The following SYT12 variants were observed in gnomAD, a reference collection of about 807,000 sequenced individuals.
The protein encoded by SYT12 is synaptotagmin 12.
A neutral mutation model predicts 39.5 loss-of-function variants in SYT12; 27 were observed. The observed-to-expected ratio is 0.68, with a 90% CI of 0.50 to 0.94. The LOEUF is 0.94. Among genes scored for constraint, SYT12 ranks in the 40% least tolerant of loss-of-function variants. SYT12 has a pLI of 0.00. For missense variants in SYT12, 536 were observed against 572.6 expected (o/e 0.94, Z 0.65); for synonymous variants, 233 against 239.7 (o/e 0.97, Z 0.26).
In SYT12 at chr11:67,039,995, A is replaced by C. The variant is rs374919893; in HGVS notation, c.413A>C (p.Asn138Thr). 6.2e-7 allele frequency: 1 copy of C among 1,613,544 alleles called. No individual in the cohort carries two copies. The highest frequency in any genetic ancestry group is 8.5e-7 in the Non-Finnish European group (1 of 1,179,994). Residue 138 changes from asparagine to threonine, a missense_variant, in exon 4 of 8, where the codon AAC becomes ACC. By Grantham distance (65) the Asn-to-Thr change is moderately conservative. Transcript: ENST00000527043. Reference protein sequence around the residue: ...LRKSQSADSLNSISSVSNTFG... With the variant: ...LRKSQSADSLTSISSVSNTFG... ...AAGTCCCAGTCGGCCGACTCCCTGA[A>C]CTCCATCTCCTCCGTGAGCAACACC...
chr11:67,044,250 C>G (rs1465608613), intron 5 of SYT12, among the ~76,000 whole-genome samples: 1 of 152,202 alleles, frequency 6.6e-6, no homozygotes, highest in Non-Finnish European at 1.5e-5. Flanking sequence ...CCACTCTGAT[C>G]GCTGTGTATT....
chr11:67,019,807 GGATCACCT>G (rs1950090286), upstream of SYT12, among the ~76,000 whole-genome samples: 1 of 151,728 alleles, frequency 6.6e-6, no homozygotes, highest in South Asian at 2.1e-4. Flanking sequence ...TGAGGTGGGA[GGATCACCT>G]GAGCCTGGGT....
exon 3 of SYT12, chr11:67,010,828 G>T (rs1357596896): frequency 6.6e-6 from 1 of 152,228 alleles, no homozygotes; most frequent in Non-Finnish European, 1.5e-5. Flanking sequence ...CCTAGAACAA[G>T]TTGAACCAAA....
At chr11:67,044,121 C>T (rs1387614373) in intron 5 of SYT12, among the ~76,000 whole-genome samples, 1 of 152,232 alleles carries the variant, frequency 6.6e-6, no homozygotes, top group Non-Finnish European at 1.5e-5. Context: ...GCTAGAGAAA[C>T]ATTCCTCTAG....
upstream of SYT12, among the ~76,000 whole-genome samples, chr11:67,020,403 C>G (rs1458030749): frequency 6.6e-6 from 1 of 152,176 alleles, no homozygotes; most frequent in Non-Finnish European, 1.5e-5. Context: ...GCTTCCATTT[C>G]CAGTGCAGCA....
At chr11:67,030,080 ACT>A in intron 1 of SYT12, 40 bp from the exon 2 acceptor site, 1 of 1,598,564 alleles carries the variant, frequency 6.3e-7, no homozygotes. Context: ...CGGGACGCTG[ACT>A]CTCTGCAGCC....
upstream of SYT12, among the ~76,000 whole-genome samples, chr11:67,020,607 A>C (rs1420429510): frequency 1.3e-5 from 2 of 151,832 alleles, no homozygotes; most frequent in African/African-American, 2.4e-5. Context: ...TCTAGTCACC[A>C]CCCCCATGGG....
At chr11:67,035,790 T>C (rs538985890) in intron 3 of SYT12, among the ~76,000 whole-genome samples, 54 of 73,208 alleles carry the variant, frequency 7.4e-4, no homozygotes, top group African/African-American at 2.0e-3. Flanking sequence ...TTTTCTTTTC[T>C]TTCCTTCCTT....
In SYT12 at chr11:67,044,635, C is replaced by T; in HGVS notation, c.880C>T (p.Leu294Phe). The stretch of plus-strand genomic sequence containing the variant: ...GGAGATCCTGCTCTCCCTCAGCTAC[C>T]TCCCCACAGCCGAGCGCCTCACCGT... ...VGEILLSLSYLPTAERLTVVV... is the reference protein window; with the variant it reads ...VGEILLSLSYFPTAERLTVVV... The change falls in exon 6 of 8, where the codon CTC (leucine) becomes TTC (phenylalanine). Residue 294 changes from leucine to phenylalanine, a missense_variant. By Grantham distance (22) the Leu-to-Phe change is conservative (BLOSUM62 0). Transcript: ENST00000527043. The T allele has an allele frequency of 6.2e-7, 1 of 1,613,476 alleles. No individual in the cohort carries two copies. The highest frequency in any genetic ancestry group is 8.5e-7 in the Non-Finnish European group (1 of 1,179,960).
chr11:67,040,837 C>CA (rs1390091566), intron 4 of SYT12, among the ~76,000 whole-genome samples: 13 of 147,626 alleles, frequency 8.8e-5, no homozygotes, highest in African/African-American at 3.0e-4. Flanking sequence ...GACTCTGTCT[C>CA]AAAATAAATA....
In SYT12 at chr11:67,048,787, G is replaced by A. The variant is rs369711130; in HGVS notation, c.*30G>A. On this transcript the variant is annotated 3_prime_UTR_variant, in exon 8 of 8. Transcript: ENST00000527043. Reference sequence around the variant, plus strand: ...CAGGGCGGGCCAGTTGGGCAATGGAGCTGCTGGAGCCCGGTACCCACTCAG... The same window carrying A: ...CAGGGCGGGCCAGTTGGGCAATGGAACTGCTGGAGCCCGGTACCCACTCAG... The A allele has an allele frequency of 3.9e-5, 62 of 1,580,212 alleles. No individual in the cohort carries two copies. The highest frequency in any genetic ancestry group is 5.1e-5 in the Non-Finnish European group (59 of 1,157,298).
intron 1 of SYT12, chr11:67,026,934 G>C (rs1950189143): frequency 6.6e-6 from 1 of 152,254 alleles, no homozygotes; most frequent in South Asian, 2.1e-4. Flanking sequence ...ACCAATATGT[G>C]CCAAGCCTGA....
chr11:67,038,989 A>T (rs1565339169), intron 3 of SYT12, among the ~76,000 whole-genome samples: 1 of 149,776 alleles, frequency 6.7e-6, no homozygotes, highest in Admixed American at 6.6e-5. Context: ...TCTGTCTCAA[A>T]AAATAAATAA....
At chr11:67,023,098 C>G (rs937423191), upstream of SYT12, among the ~76,000 whole-genome samples, 2 of 152,208 alleles carry the variant, frequency 1.3e-5, no homozygotes, top group Non-Finnish European at 2.9e-5. Context: ...TTGGGCTTGG[C>G]CTCAGGGCGT....
At chr11:67,042,125 C>T (rs1211122206) in intron 4 of SYT12, among the ~76,000 whole-genome samples, 3 of 152,194 alleles carry the variant, frequency 2.0e-5, no homozygotes, top group East Asian at 3.8e-4. Context: ...GGTTCAAATC[C>T]TTGTTCCACC....
At chr11:67,021,323 CT>C (rs369425531), upstream of SYT12, among the ~76,000 whole-genome samples, 48 of 145,684 alleles carry the variant, frequency 3.3e-4, no homozygotes, top group South Asian at 4.4e-4. Context: ...CTCAACTTTG[CT>C]TTTTTTTTTT....
chr11:67,033,351 C>T (rs1044590634), intron 2 of SYT12, among the ~76,000 whole-genome samples: 1 of 152,182 alleles, frequency 6.6e-6, no homozygotes, highest in African/African-American at 2.4e-5. Flanking sequence ...GCCTGCCCCA[C>T]CCCACCCCCT....
chr11:67,035,334 T>TC (rs1292213331), intron 3 of SYT12, among the ~76,000 whole-genome samples: 3 of 150,560 alleles, frequency 2.0e-5, no homozygotes, highest in Non-Finnish European at 4.4e-5. Flanking sequence ...TTTCTTTCTT[T>TC]TTTTTTTTTT....
At chr11:67,025,497 G>A (rs918604286) in intron 1 of SYT12, among the ~76,000 whole-genome samples, 3 of 152,142 alleles carry the variant, frequency 2.0e-5, no homozygotes, top group Admixed American at 6.5e-5. Context: ...TCTTTGCTGT[G>A]TGTCTGGACA....
Sources: allele counts gnomAD v4.1 joint callset (sites outside exome capture counted in the v4.1 genomes callset), GRCh38; gene constraint gnomAD v4.1.1; transcripts MANE v1.5; gene names NCBI Gene and HGNC (gene_info 2026-07-23, HGNC 2026-07-21).